Variants in ZNF385D observed in about 807,000 individuals in gnomAD.
The protein encoded by ZNF385D is zinc finger protein 385D, also known as zinc finger protein 659.
Under a neutral mutation model 35.8 loss-of-function variants are expected in ZNF385D, and 15 were observed. The observed-to-expected ratio is 0.42, with a 90% confidence interval of 0.28 to 0.64. The LOEUF is 0.64. Among genes scored for constraint, ZNF385D ranks in the 30% least tolerant of loss-of-function variants. The probability of loss-of-function intolerance (pLI) is 0.23; values close to 1 mark genes in which losing one functional copy is unlikely to be tolerated. For synonymous variants in ZNF385D, 212 were observed against 186.8 expected (o/e 1.13, Z -1.10); for missense variants, 474 against 494.6 (o/e 0.96, Z 0.39).
At chr3:21,935,657 T>C (rs890092524) in intron 3 of ZNF385D, among the ~76,000 whole-genome samples, 1 of 152,130 alleles carries the variant, frequency 6.6e-6, no homozygotes, top group Non-Finnish European at 1.5e-5. Context: ...GAAGTGACCT[T>C]TTTTTCTTAG....
intron 3 of ZNF385D, among the ~76,000 whole-genome samples, chr3:21,981,946 T>C (rs1337190373): frequency 6.6e-6 from 1 of 152,168 alleles, no homozygotes; most frequent in East Asian, 1.9e-4. Flanking sequence ...ACTAGTACCA[T>C]GCTGTTTTTG....
chr3:21,928,555 T>G lies in ZNF385D; in HGVS notation c.325+240262A>C, dbSNP rs1301889775. 2.0e-5 allele frequency among the ~76,000 whole-genome samples: 3 copies of G among 152,144 alleles called. No homozygotes were observed. In the East Asian group the frequency reaches 5.8e-4, roughly 29 times the overall value. ...TTTGCAGTTGCATGTGGAACATATT[T>G]CATAATTTGTTATTTGAAAAGGTTA... On this transcript the variant is annotated intron_variant, in intron 3 of 5. Transcript: ENST00000494108.
At chr3:22,032,065 T>A (rs974325993) in intron 3 of ZNF385D, among the ~76,000 whole-genome samples, 1 of 152,204 alleles carries the variant, frequency 6.6e-6, no homozygotes, top group Non-Finnish European at 1.5e-5. Flanking sequence ...CAGTTCCCAA[T>A]AAGTTCCTCA....
chr3:21,600,152 CCT>C (rs1033330628), intron 2 of ZNF385D, among the ~76,000 whole-genome samples: 1 of 152,184 alleles, frequency 6.6e-6, no homozygotes, highest in Non-Finnish European at 1.5e-5. Flanking sequence ...TAATCCAGCC[CCT>C]GTTTAGCATA....
At chr3:22,127,073 G>T (rs962654504) in intron 3 of ZNF385D, among the ~76,000 whole-genome samples, 2 of 151,914 alleles carry the variant, frequency 1.3e-5, no homozygotes, top group African/African-American at 2.4e-5. Context: ...TGTCTTTACA[G>T]GTGAAATGTG....
At chr3:21,582,473 C>G (rs1317230010) in intron 2 of ZNF385D, among the ~76,000 whole-genome samples, 12 of 151,990 alleles carry the variant, frequency 7.9e-5, no homozygotes, top group Admixed American at 7.9e-4. Flanking sequence ...TTTTTTTTCT[C>G]TACTCTGCCT....
chr3:22,282,289 T>C (rs1393857515), intron 2 of ZNF385D, among the ~76,000 whole-genome samples: 1 of 151,942 alleles, frequency 6.6e-6, no homozygotes, highest in African/African-American at 2.4e-5. Context: ...TTTGGTTTGT[T>C]CTTGTTTCTG....
At chr3:21,788,312 C>G (rs1057470210) in intron 3 of ZNF385D, among the ~76,000 whole-genome samples, 1 of 152,142 alleles carries the variant, frequency 6.6e-6, no homozygotes, top group Non-Finnish European at 1.5e-5. Context: ...AACCCCGTTT[C>G]TACTAAAAAT....
At chr3:22,058,586 A>G (rs1699532332) in intron 3 of ZNF385D, among the ~76,000 whole-genome samples, 1 of 152,244 alleles carries the variant, frequency 6.6e-6, no homozygotes, top group African/African-American at 2.4e-5. Flanking sequence ...GGGCTGTCAA[A>G]TAATTTCAGG....
At chr3:22,137,694 C>T (rs1203569682) in intron 3 of ZNF385D, among the ~76,000 whole-genome samples, 1 of 152,132 alleles carries the variant, frequency 6.6e-6, no homozygotes, top group Non-Finnish European at 1.5e-5. Context: ...CTATCTATGA[C>T]AAACCCACGG....
chr3:21,737,466 T>TAC lies in ZNF385D; in HGVS notation c.22+13427_22+13428dup, dbSNP rs1553648227. On this transcript the variant is annotated intron_variant, in intron 1 of 7. Transcript: ENST00000281523. ...TGTATAAACAAGAGGGGGATATATA[T>TAC]ACACACACACACACACACACACATA... 3.4e-3 allele frequency among the ~76,000 whole-genome samples: 506 copies of TAC among 149,172 alleles called. 5 individuals are homozygous for TAC. Among genetic ancestry groups the TAC allele is most frequent in the South Asian group, 0.021 (98 of 4,710 alleles).
intron 2 of ZNF385D, among the ~76,000 whole-genome samples, chr3:22,196,980 C>T (rs75918352): frequency 0.029 from 4,371 of 152,046 alleles, 210 homozygotes; most frequent in African/African-American, 0.099. Flanking sequence ...TCAATAGATA[C>T]ACAATCTATT....
rs869252663 is a variant in ZNF385D at position 21,711,039 on chromosome 3, G to GTTTTTTTTTTTTTTTTTTTTTTTTTTT, written c.22+39855_22+39856insAAAAAAAAAAAAAAAAAAAAAAAAAAA. On this transcript the variant is annotated intron_variant, in intron 1 of 7. Coordinates refer to ENST00000281523, the MANE Select transcript of ZNF385D (RefSeq NM_024697.3). ...TCTTAATTTCCTTATCCCTCTAAAA[G>GTTTTTTTTTTTTTTTTTTTTTTTTTTT]TTTTTTTTTTTTTTTTTTTTGAGAT... Among the ~76,000 whole-genome samples the GTTTTTTTTTTTTTTTTTTTTTTTTTTT allele has an allele frequency of 1.1e-4, 9 of 83,154 alleles. 2 individuals are homozygous for GTTTTTTTTTTTTTTTTTTTTTTTTTTT. Among genetic ancestry groups the GTTTTTTTTTTTTTTTTTTTTTTTTTTT allele is most frequent in the African/African-American group, 3.6e-4 (7 of 19,486 alleles). The allele number at this position is 83,154 out of a possible 152,430, so 54.6% of individuals were successfully genotyped here.
chr3:22,082,367 T>C (rs917889002), intron 3 of ZNF385D, among the ~76,000 whole-genome samples: 28 of 152,128 alleles, frequency 1.8e-4, no homozygotes, highest in African/African-American at 6.0e-4. Flanking sequence ...ACTTTTCCAA[T>C]GGTCTTAGCA....
intron 2 of ZNF385D, among the ~76,000 whole-genome samples, chr3:22,174,663 T>G (rs980322360): frequency 2.0e-5 from 3 of 152,084 alleles, no homozygotes; most frequent in African/African-American, 7.2e-5. Flanking sequence ...GATATGATAA[T>G]ATCTCCAGAA....
chr3:21,973,778 A>C (rs149644048), intron 3 of ZNF385D, among the ~76,000 whole-genome samples: 390 of 152,170 alleles, frequency 2.6e-3, no homozygotes, highest in African/African-American at 9.0e-3. Flanking sequence ...TCTATATGAC[A>C]ACACCAAACT....
intron 3 of ZNF385D, among the ~76,000 whole-genome samples, chr3:22,003,727 T>A (rs2125419675): frequency 6.6e-6 from 1 of 151,752 alleles, no homozygotes; most frequent in South Asian, 2.1e-4. Context: ...ATTAGCCAGG[T>A]ATGGTGGCAG....
chr3:21,665,088 A>G (rs2066364553), intron 1 of ZNF385D, 60 bp from the exon 2 acceptor site: 1 of 1,504,304 alleles, frequency 6.6e-7, no homozygotes, highest in Admixed American at 2.4e-5. Context: ...AAAACACCAA[A>G]GTTGCTTTTG....
Position 21,425,679 on chromosome 3 carries a change from A to C in ZNF385D, c.674-9T>G, listed in dbSNP as rs770494574. The C allele has an allele frequency of 1.3e-6, 2 of 1,499,700 alleles. No homozygotes were observed. The highest frequency in any genetic ancestry group is 2.1e-5 in the Admixed American group (1 of 47,262). The allele number at this position is 1,499,700 out of a possible 1,614,324, so 92.9% of individuals were successfully genotyped here. A position where few individuals can be genotyped will look rare whatever the true frequency, so the allele number is the denominator to read the frequency against. On this transcript the variant is annotated splice_polypyrimidine_tract_variant and intron_variant, in intron 5 of 7. Transcript: ENST00000281523. ...GGTTTTGTGCTTAGTACCTGTCAGG[A>C]ATATTGAAATGAAGGAAGGAAAGGA... is the stretch of plus-strand genomic sequence containing the variant.
Sources: allele counts gnomAD v4.1 joint callset (sites outside exome capture counted in the v4.1 genomes callset), GRCh38; gene constraint gnomAD v4.1.1; transcripts MANE v1.5; gene names NCBI Gene and HGNC (gene_info 2026-07-23, HGNC 2026-07-21).